The following YTHDF2 variants were observed in gnomAD, a reference collection of about 807,000 sequenced individuals.
YTHDF2 encodes the protein YTH N6-methyladenosine RNA binding protein F2.
Under a neutral mutation model 50.4 loss-of-function variants are expected in YTHDF2, and 2 were observed. The observed-to-expected ratio is 0.04, with a 90% CI of 0.02 to 0.12. YTHDF2 has a LOEUF of 0.12. Ranked by LOEUF, YTHDF2 falls within the 10% of genes least tolerant of loss-of-function variation. The pLI, the probability that YTHDF2 is intolerant of heterozygous loss-of-function variation, is 1.00. For synonymous variants in YTHDF2, 217 were observed against 255.6 expected (o/e 0.85, Z 1.44); for missense variants, 483 against 722.6 (o/e 0.67, Z 3.80).
chr1:28,751,098 A>ATTCAAGTTTCTGTGAT (rs1157848020), intron 4 of YTHDF2, among the ~76,000 whole-genome samples: 1 of 147,228 alleles, frequency 6.8e-6, no homozygotes, highest in Admixed American at 6.7e-5. Context: ...CTCAAAAAAA[A>ATTCAAGTTTCTGTGAT]AAAAAAAAAA....
intron 4 of YTHDF2, among the ~76,000 whole-genome samples, chr1:28,767,148 G>C (rs1241581192): frequency 6.6e-6 from 1 of 151,514 alleles, no homozygotes; most frequent in African/African-American, 2.4e-5. Flanking sequence ...TGGCTGTTTT[G>C]GTATTGTTGT....
At chr1:28,748,801 C>T (rs2087904438) in intron 4 of YTHDF2, among the ~76,000 whole-genome samples, 1 of 152,158 alleles carries the variant, frequency 6.6e-6, no homozygotes, top group African/African-American at 2.4e-5. Context: ...TAAGTATTCC[C>T]TATGACATCA....
intron 4 of YTHDF2, among the ~76,000 whole-genome samples, chr1:28,763,076 C>T (rs1443146618): frequency 2.0e-5 from 3 of 152,162 alleles, no homozygotes; most frequent in Non-Finnish European, 2.9e-5. Context: ...ATCCACCTGC[C>T]TCGGCCTCCC....
At position 28,748,020 on chromosome 1, in the gene YTHDF2, C is replaced by T. The variant is rs559315740; in HGVS notation, c.1716+4034C>T. Among the ~76,000 whole-genome samples the T allele has an allele frequency of 6.6e-4, 100 of 150,522 alleles. 1 individual carries two copies. The highest frequency in any genetic ancestry group is 3.4e-3 in the Middle Eastern group (1 of 294). On this transcript the variant is annotated intron_variant, in intron 4 of 4. Coordinates refer to ENST00000373812, the MANE Select transcript of YTHDF2 (RefSeq NM_016258.3). ...GTGGGCTCCTGTAGTCCCAGCTACT[C>T]GGGAGGCTGAGGCAGGAGAATGGCG...
intron 3 of YTHDF2, among the ~76,000 whole-genome samples, chr1:28,741,930 A>G (rs1264004014): frequency 6.6e-6 from 1 of 152,224 alleles, no homozygotes; most frequent in Admixed American, 6.6e-5. Context: ...GCTAAGGCCC[A>G]TATTCACTGT....
intron 4 of YTHDF2, among the ~76,000 whole-genome samples, chr1:28,760,961 T>C (rs1205768962): frequency 2.0e-5 from 3 of 152,172 alleles, no homozygotes; most frequent in African/African-American, 7.2e-5. Flanking sequence ...TAGGTTTGTT[T>C]ACACCGCATT....
intron 4 of YTHDF2, among the ~76,000 whole-genome samples, chr1:28,767,460 T>TG (rs2088235573): frequency 6.6e-6 from 1 of 152,128 alleles, no homozygotes; most frequent in South Asian, 2.1e-4. Flanking sequence ...TGGAGTTACA[T>TG]TAAGAGATAA....
chr1:28,746,496 T>C (rs1186578677), intron 4 of YTHDF2, among the ~76,000 whole-genome samples: 2 of 151,698 alleles, frequency 1.3e-5, no homozygotes, highest in East Asian at 3.9e-4. Context: ...TCCCAGCACA[T>C]TGGTAGGCAG....
chr1:28,763,599 G>A (rs1231206191), intron 4 of YTHDF2, among the ~76,000 whole-genome samples: 1 of 152,132 alleles, frequency 6.6e-6, no homozygotes, highest in East Asian at 1.9e-4. Context: ...GGGACTACAG[G>A]TGTGTGCCAC....
rs997855752 is a variant in YTHDF2, at chr1:28,757,855, C to T, written c.1717-11074C>T. Among the ~76,000 whole-genome samples the T allele has an allele frequency of 2.6e-5, 4 of 152,042 alleles. No individual in the cohort carries two copies. The East Asian group carries it at 7.7e-4, about 29-fold the overall frequency. ...ATCTTGTATATAGTGTTCATTTCATCCTCTTTTTCTTAGTGCTTTAGGTAT... is the reference window on the plus strand; with the variant it reads ...ATCTTGTATATAGTGTTCATTTCATTCTCTTTTTCTTAGTGCTTTAGGTAT... On this transcript the variant is annotated intron_variant, in intron 4 of 4. Transcript: ENST00000373812.
At chr1:28,765,223 G>A (rs1286655668) in intron 4 of YTHDF2, among the ~76,000 whole-genome samples, 1 of 151,778 alleles carries the variant, frequency 6.6e-6, no homozygotes, top group Non-Finnish European at 1.5e-5. Flanking sequence ...GGCTGGTCTC[G>A]AACTCTGGCC....
intron 4 of YTHDF2, among the ~76,000 whole-genome samples, chr1:28,767,179 A>G (rs1346222039): frequency 6.6e-6 from 1 of 152,054 alleles, no homozygotes; most frequent in African/African-American, 2.4e-5. Flanking sequence ...AGAAAGTTTG[A>G]CTTTTGAAGC....
intron 4 of YTHDF2, among the ~76,000 whole-genome samples, chr1:28,764,959 C>CA (rs1228237289): frequency 6.6e-6 from 1 of 152,066 alleles, no homozygotes; most frequent in Non-Finnish European, 1.5e-5. Flanking sequence ...ATTACAGACT[C>CA]AAATTCCTGG....
At chr1:28,754,116 C>A (rs936825516) in intron 4 of YTHDF2, among the ~76,000 whole-genome samples, 1 of 152,192 alleles carries the variant, frequency 6.6e-6, no homozygotes, top group African/African-American at 2.4e-5. Context: ...GAGCATTGAC[C>A]TTGTTAAGCA....
intron 4 of YTHDF2, among the ~76,000 whole-genome samples, chr1:28,762,527 A>T (rs1052810438): frequency 1.3e-4 from 20 of 152,226 alleles, no homozygotes; most frequent in African/African-American, 4.3e-4. Flanking sequence ...AGAGCTATAT[A>T]GATTTAATTT....
At chr1:28,759,458 T>A (rs2088082900) in intron 4 of YTHDF2, among the ~76,000 whole-genome samples, 1 of 152,152 alleles carries the variant, frequency 6.6e-6, no homozygotes, top group Non-Finnish European at 1.5e-5. Flanking sequence ...CATTGTCAGG[T>A]GATTTTGTCC....
intron 4 of YTHDF2, among the ~76,000 whole-genome samples, chr1:28,761,198 G>A (rs1391890474): frequency 1.4e-5 from 2 of 143,264 alleles, no homozygotes; most frequent in African/African-American, 5.2e-5. Context: ...GTAGTGGCCT[G>A]ATCACAACTC....
chr1:28,759,718 G>A (rs1411949427), intron 4 of YTHDF2, among the ~76,000 whole-genome samples: 2 of 152,222 alleles, frequency 1.3e-5, no homozygotes, highest in Admixed American at 6.5e-5. Flanking sequence ...CACTTTGGGA[G>A]GCTGAGGCGG....
intron 4 of YTHDF2, among the ~76,000 whole-genome samples, chr1:28,767,208 T>C (rs2088232188): frequency 6.6e-6 from 1 of 152,104 alleles, no homozygotes; most frequent in Non-Finnish European, 1.5e-5. Context: ...ACATAGGTAT[T>C]TGTGAGACTT....
Sources: gnomAD v4.1 joint callset for allele counts (sites outside exome capture counted in the v4.1 genomes callset) on GRCh38, gnomAD v4.1.1 for gene constraint, MANE v1.5 for transcripts, NCBI Gene and HGNC (gene_info 2026-07-23, HGNC 2026-07-21) for gene names.